PPARGC1B: variants seen among roughly 807,000 people sequenced by gnomAD.
PPARGC1B encodes the protein PPARG coactivator 1 beta.
PPARGC1B carries 34 observed loss-of-function variants against 101.6 expected under a neutral mutation model. The ratio of observed to expected loss-of-function variants is 0.33; its 90% CI spans 0.25 to 0.45. PPARGC1B has a LOEUF of 0.45. Ranked by LOEUF, PPARGC1B falls within the 20% of genes least tolerant of loss-of-function variation. The probability of loss-of-function intolerance (pLI) is 1.00; values close to 1 mark genes in which losing one functional copy is unlikely to be tolerated. For missense variants in PPARGC1B, 1,234 were observed against 1,317.6 expected (o/e 0.94, Z 0.98); for synonymous variants, 548 against 539.3 (o/e 1.02, Z -0.22).
In PPARGC1B at chr5:149,837,102, G is replaced by GCGGGCAGTGGA. The variant is rs761829400; in HGVS notation, c.2618+30_2618+40dup. 1.3e-6 allele frequency: 2 copies of GCGGGCAGTGGA among 1,563,120 alleles called. No individual in the cohort carries two copies. Among genetic ancestry groups the GCGGGCAGTGGA allele is most frequent in the Non-Finnish European group, 1.7e-6 (2 of 1,153,058 alleles). On this transcript the variant is annotated intron_variant, in intron 8 of 11. Transcript: ENST00000309241. The surrounding 1 kb of genome is among the most constrained non-coding windows in gnomAD (Gnocchi z 4.2). ...TGAACAGGGGGCTGCAGGAGAGGCA[G>GCGGGCAGTGGA]CGGGCAGTGGAGGATCCCAGTTCCC...
At chr5:149,777,750 C>T (rs1004477944) in intron 1 of PPARGC1B, among the ~76,000 whole-genome samples, 10 of 151,200 alleles carry the variant, frequency 6.6e-5, no homozygotes, top group East Asian at 2.0e-4. Context: ...AAGATGGGGA[C>T]ACTTGGAAGT....
chr5:149,825,212 T>C (rs1422133496), intron 2 of PPARGC1B, among the ~76,000 whole-genome samples: 1 of 152,248 alleles, frequency 6.6e-6, no homozygotes, highest in Non-Finnish European at 1.5e-5. Context: ...CCGACCCTCC[T>C]TATGGTTCAT....
rs1167413703 is a variant in PPARGC1B at position 149,835,207 on chromosome 5, G to C, written c.1743-94G>C. ...TCCATGGGCAGTGGAACCAGGGCCT[G>C]TCACAGCACTCCCTGCGACCCTTTC... On this transcript the variant is annotated intron_variant, in intron 6 of 11. Coordinates refer to ENST00000309241, the MANE Select transcript of PPARGC1B (RefSeq NM_133263.4). 11 of 1,153,814 alleles carry C rather than the reference G, an allele frequency of 9.5e-6. No homozygotes were observed. The African/African-American group carries it at 1.4e-4, about 14-fold the overall frequency. The allele number at this position is 1,153,814 out of a possible 1,614,324, so 71.5% of individuals were successfully genotyped here. A position where few individuals can be genotyped will look rare whatever the true frequency, so the allele number is the denominator to read the frequency against.
intron 1 of PPARGC1B, among the ~76,000 whole-genome samples, chr5:149,783,876 C>A (rs1211672839): frequency 7.2e-5 from 11 of 152,072 alleles, no homozygotes; most frequent in Non-Finnish European, 1.5e-5. Flanking sequence ...CCCCTTTATA[C>A]CCCTTTATAA....
intron 1 of PPARGC1B, among the ~76,000 whole-genome samples, chr5:149,814,025 G>A (rs1277248679): frequency 1.3e-5 from 2 of 152,150 alleles, no homozygotes; most frequent in African/African-American, 4.8e-5. Flanking sequence ...TAAATTTGCG[G>A]GATCACAAAC....
chr5:149,840,697 T>C (rs930882041), intron 9 of PPARGC1B, among the ~76,000 whole-genome samples: 4 of 152,142 alleles, frequency 2.6e-5, no homozygotes, highest in African/African-American at 9.7e-5. Context: ...CTGGTGACCC[T>C]ACTGCAAAGC....
At chr5:149,763,623 C>T (rs1336402544) in intron 1 of PPARGC1B, among the ~76,000 whole-genome samples, 4 of 148,146 alleles carry the variant, frequency 2.7e-5, no homozygotes, top group African/African-American at 5.0e-5. Context: ...CTCTGCCTCC[C>T]GGGCTCAAGT....
chr5:149,754,987 A>G (rs1561854017), intron 1 of PPARGC1B, among the ~76,000 whole-genome samples: 1 of 148,320 alleles, frequency 6.7e-6, no homozygotes, highest in Non-Finnish European at 1.5e-5. Flanking sequence ...CACTATATAT[A>G]TACACACATA....
Position 149,824,228 on chromosome 5 carries a change from G to A in PPARGC1B, c.253-2445G>A, listed in dbSNP as rs189111807. ...TTTGTGATAATTCACAATATCTCTG[G>A]GCCCTTGGTACTCTCCCTGGGAAAG... On this transcript the variant is annotated intron_variant, in intron 2 of 11. Transcript: ENST00000309241. Among the ~76,000 whole-genome samples the A allele has an allele frequency of 1.4e-4, 22 of 152,152 alleles. No homozygotes were observed. The East Asian group carries it at 4.1e-3, about 28-fold the overall frequency.
intron 1 of PPARGC1B, among the ~76,000 whole-genome samples, chr5:149,781,848 A>G (rs1361207761): frequency 3.3e-5 from 5 of 152,210 alleles, no homozygotes. Flanking sequence ...CTTTACCCAT[A>G]CAATGACAGC....
intron 8 of PPARGC1B, among the ~76,000 whole-genome samples, chr5:149,839,155 G>A (rs1019618633): frequency 2.0e-5 from 3 of 152,116 alleles, no homozygotes; most frequent in Admixed American, 6.5e-5. Context: ...AAATATTTAC[G>A]GAGCAGTTCC....
At chr5:149,803,391 G>A (rs1757494747) in intron 1 of PPARGC1B, among the ~76,000 whole-genome samples, 1 of 152,168 alleles carries the variant, frequency 6.6e-6, no homozygotes, top group Non-Finnish European at 1.5e-5. Context: ...CCTGTTGTGA[G>A]TGTCAAATGG....
intron 2 of PPARGC1B, among the ~76,000 whole-genome samples, chr5:149,821,974 C>T (rs768624601): frequency 6.6e-6 from 1 of 152,176 alleles, no homozygotes; most frequent in Non-Finnish European, 1.5e-5. Flanking sequence ...CAGGCAAAGA[C>T]TGTAATCTAG....
intron 1 of PPARGC1B, among the ~76,000 whole-genome samples, chr5:149,782,734 C>A (rs1024554363): frequency 1.3e-5 from 2 of 152,202 alleles, no homozygotes; most frequent in Admixed American, 1.3e-4. Flanking sequence ...TCACGAGGCC[C>A]CGGGTGCTGG....
intron 1 of PPARGC1B, among the ~76,000 whole-genome samples, chr5:149,791,520 A>T (rs1757018661): frequency 6.6e-6 from 1 of 152,062 alleles, no homozygotes; most frequent in African/African-American, 2.4e-5. Context: ...GCTCCAGAGC[A>T]TACCCACTCC....
intron 2 of PPARGC1B, among the ~76,000 whole-genome samples, chr5:149,824,052 T>C (rs1040214501): frequency 3.9e-5 from 6 of 152,098 alleles, no homozygotes; most frequent in Admixed American, 1.3e-4. Context: ...CTGTGATTGA[T>C]TGGCAGTTGT....
At position 149,835,441 on chromosome 5, in the gene PPARGC1B, G is replaced by T. The variant is rs1759010582; in HGVS notation, c.1807+76G>T. On this transcript the variant is annotated intron_variant, in intron 7 of 11. Transcript: ENST00000309241. ...ATCTCTGAGTTTTTCATCATGCATG[G>T]GCAAGGTGCCACGCAATGAACGATG... is the stretch of plus-strand genomic sequence containing the variant. 5 of 1,327,624 alleles carry T rather than the reference G, an allele frequency of 3.8e-6. No individual in the cohort carries two copies. The Admixed American group carries it at 5.2e-5, about 14-fold the overall frequency. The allele number at this position is 1,327,624 out of a possible 1,614,324, so 82.2% of individuals were successfully genotyped here.
Position 149,803,797 on chromosome 5 carries a change from A to G in PPARGC1B, c.79-16636A>G, listed in dbSNP as rs78341851. ...GATTCAGTTGACACAGATTCATTGTACTCGCCCAGTTCTTCGCTCTGGAAC... is the reference window on the plus strand; with the variant it reads ...GATTCAGTTGACACAGATTCATTGTGCTCGCCCAGTTCTTCGCTCTGGAAC... On this transcript the variant is annotated intron_variant, in intron 1 of 11. Coordinates refer to ENST00000309241, the MANE Select transcript of PPARGC1B (RefSeq NM_133263.4). Among the ~76,000 whole-genome samples the G allele has an allele frequency of 1.8e-3, 269 of 152,210 alleles. 2 individuals are homozygous for G. Among genetic ancestry groups the G allele is most frequent in the East Asian group, 0.012 (64 of 5,164 alleles).
intron 1 of PPARGC1B, among the ~76,000 whole-genome samples, chr5:149,748,317 AGATATATC>A (rs71586410): frequency 2.3e-4 from 18 of 77,894 alleles, no homozygotes; most frequent in Admixed American, 4.4e-4. Flanking sequence ...ATATAGATAT[AGATATATC>A]TATATATATA....
Sources: allele counts gnomAD v4.1 joint callset (sites outside exome capture counted in the v4.1 genomes callset), GRCh38; gene constraint gnomAD v4.1.1; non-coding constraint Gnocchi (gnomAD v3.1); transcripts MANE v1.5; gene names NCBI Gene and HGNC (gene_info 2026-07-23, HGNC 2026-07-21).